Variants in KIF14 observed in about 807,000 individuals in gnomAD.
KIF14 encodes kinesin family member 14, also known as kinesin-like protein KIF14.
A neutral mutation model predicts 176.2 loss-of-function variants in KIF14; 98 were observed. That is an observed-to-expected ratio of 0.56 (90% CI 0.47 to 0.66). The LOEUF is 0.66. Among genes scored for constraint, KIF14 ranks in the 30% least tolerant of loss-of-function variants. The probability of loss-of-function intolerance (pLI) is 0.00; values close to 1 mark genes in which losing one functional copy is unlikely to be tolerated. For missense variants in KIF14, 1,751 were observed against 1,920.4 expected, an observed-to-expected ratio of 0.91 and a Z score of 1.65; for synonymous variants, 566 against 632.2, an observed-to-expected ratio of 0.90 and a Z score of 1.57.
chr1:200,556,922 C>T (rs1298181287), intron 27 of KIF14, among the ~76,000 whole-genome samples: 4 of 152,188 alleles, frequency 2.6e-5, no homozygotes, highest in Non-Finnish European at 4.4e-5. Flanking sequence ...CAGCCTCATG[C>T]CTATTTGAGC....
At chr1:200,616,216 T>C (rs1402369074) in intron 2 of KIF14, among the ~76,000 whole-genome samples, 1 of 151,968 alleles carries the variant, frequency 6.6e-6, no homozygotes, top group East Asian at 1.9e-4. Flanking sequence ...GCTCCAGATA[T>C]ACACTCCCTC....
chr1:200,617,520 G>A, intron 2 of KIF14, 92 bp downstream of exon 2: 1 of 1,228,246 alleles, frequency 8.1e-7, no homozygotes. Flanking sequence ...GTTTGAAGAT[G>A]CACGAATACA....
In KIF14 at chr1:200,586,116, C is replaced by T. The variant is rs549783432; in HGVS notation, c.3226G>A (p.Asp1076Asn). The change falls in exon 19 of 30, where the codon GAT becomes AAT. Residue 1076 changes from aspartate to asparagine, a missense_variant. Coordinates refer to ENST00000367350, the MANE Select transcript of KIF14 (RefSeq NM_014875.3). ...ACACACTTACCTGTAAAAGTTTTAT[C>T]CCTATTATTCCGATTCTGCTGTAGA... ...QILQQNRNNR[D>N]KTFTVQTTWS... 1 of 1,569,668 alleles carries T rather than the reference C, an allele frequency of 6.4e-7. No individual in the cohort carries two copies. Among genetic ancestry groups the T allele is most frequent in the South Asian group, 1.2e-5 (1 of 84,664 alleles).
At chr1:200,590,356 T>C in intron 16 of KIF14, 84 bp from the exon 17 acceptor site, 2 of 1,186,572 alleles carry the variant, frequency 1.7e-6, no homozygotes, top group Admixed American at 5.2e-5. Flanking sequence ...TGAAAAGTTT[T>C]CCATTGAATG....
chr1:200,563,398 T>A (rs1262652779), intron 25 of KIF14, among the ~76,000 whole-genome samples: 1 of 152,172 alleles, frequency 6.6e-6, no homozygotes, highest in Non-Finnish European at 1.5e-5. Flanking sequence ...ATGGTCTCAC[T>A]CTGTCATCCA....
intron 6 of KIF14, 149 bp downstream of exon 6, chr1:200,606,597 C>T (rs2102747476): frequency 4.3e-6 from 3 of 698,934 alleles, no homozygotes; most frequent in African/African-American, 1.8e-5. Context: ...CCTAATTGGA[C>T]AATATCAAGG....
In KIF14 at chr1:200,606,596, A is replaced by C. The variant is rs191579748; in HGVS notation, c.1607+150T>G. ...GGAAAGAGAGGGAAAACCTAATTGG[A>C]CAATATCAAGGGTAGAAGGCTAAAT... On this transcript the variant is annotated intron_variant, in intron 6 of 29. Coordinates refer to ENST00000367350, the MANE Select transcript of KIF14 (RefSeq NM_014875.3). 321 of 698,312 alleles carry C rather than the reference A, an allele frequency of 4.6e-4. No homozygotes were observed. In the African/African-American group the frequency reaches 5.4e-3, roughly 12 times the overall value. The allele number at this position is 698,312 out of a possible 1,614,324, so 43.3% of individuals were successfully genotyped here. A position where few individuals can be genotyped will look rare whatever the true frequency, so the allele number is the denominator to read the frequency against.
rs1465226141 is a variant in KIF14, at chr1:200,569,976, ATTC to A, written c.3593_3595del (p.Arg1198del). 1.9e-6 allele frequency: 3 copies of A among 1,603,410 alleles called. No individual in the cohort carries two copies. Among genetic ancestry groups the A allele is most frequent in the Middle Eastern group, 1.7e-4 (1 of 6,012 alleles). On this transcript the variant is annotated inframe_deletion, in exon 23 of 30. Transcript: ENST00000367350. ...TTGTATGTCATGTAAACAACCAGAA[ATTC>A]TTCTGTTCTTCATCAAACTCCTACT...
intron 3 of KIF14, among the ~76,000 whole-genome samples, chr1:200,615,113 A>G (rs1660349375): frequency 1.3e-5 from 2 of 152,288 alleles, no homozygotes; most frequent in South Asian, 4.1e-4. Context: ...TAAAATATAT[A>G]AAGTACAGTA....
intron 8 of KIF14, among the ~76,000 whole-genome samples, chr1:200,604,986 C>T (rs1323426328): frequency 6.6e-6 from 1 of 151,988 alleles, no homozygotes; most frequent in African/African-American, 2.4e-5. Context: ...GGTATACTGC[C>T]ATAAGTCATT....
Position 200,575,588 on chromosome 1 carries a change from T to C in KIF14, c.3566+3A>G, listed in dbSNP as rs376873698. 76 of 1,567,446 alleles carry C rather than the reference T, an allele frequency of 4.8e-5. No homozygotes were observed. Among genetic ancestry groups the C allele is most frequent in the Non-Finnish European group, 6.3e-5 (73 of 1,150,944 alleles). ...AGAAAACTAGTAACAAAATTGTCTT[T>C]ACCTCCTTCTAGAAAGTGAAGAAAC... On this transcript the variant is annotated splice_donor_region_variant and intron_variant, in intron 22 of 29. Transcript: ENST00000367350.
At chr1:200,605,144 G>A (rs1659808339) in intron 8 of KIF14, 139 bp downstream of exon 8, 2 of 758,096 alleles carry the variant, frequency 2.6e-6, no homozygotes, top group Non-Finnish European at 2.2e-6. Flanking sequence ...TATCTTGCCT[G>A]TGGAAAAAAA....
chr1:200,597,945 G>A (rs1411194051), intron 14 of KIF14, among the ~76,000 whole-genome samples: 1 of 151,860 alleles, frequency 6.6e-6, no homozygotes, highest in Non-Finnish European at 1.5e-5. Context: ...AAGATAGATA[G>A]TTTACTTGCA....
intron 19 of KIF14, among the ~76,000 whole-genome samples, chr1:200,585,073 G>C (rs1658661780): frequency 6.6e-6 from 1 of 152,110 alleles, no homozygotes; most frequent in Non-Finnish European, 1.5e-5. Flanking sequence ...ATGGTTACCA[G>C]GAAATACAGG....
At chr1:200,554,387 T>C in intron 29 of KIF14, 81 bp downstream of exon 29, 1 of 962,404 alleles carries the variant, frequency 1.0e-6, no homozygotes, top group South Asian at 1.6e-5. Context: ...CGAGACTCCA[T>C]CTCAAAAAAA....
At chr1:200,605,476 G>T in intron 7 of KIF14, 86 bp from the exon 8 acceptor site, 6 of 864,744 alleles carry the variant, frequency 6.9e-6, no homozygotes, top group Non-Finnish European at 1.1e-5. Flanking sequence ...ATACACATTT[G>T]TAATTCAGAT....
intron 26 of KIF14, among the ~76,000 whole-genome samples, chr1:200,560,178 C>T (rs931872163): frequency 7.9e-5 from 12 of 152,326 alleles, no homozygotes; most frequent in African/African-American, 2.9e-4. Context: ...GAAAACCCTC[C>T]ACGGTGGATG....
chr1:200,603,967 T>G lies in KIF14; in HGVS notation c.1747-12A>C, dbSNP rs1221613999. Reference sequence around the variant, plus strand: ...TCCACAAATTCTGTCTACAGCAAAATGATATTAAATTAAATTAAGTTCTAT... The same window carrying G: ...TCCACAAATTCTGTCTACAGCAAAAGGATATTAAATTAAATTAAGTTCTAT... On this transcript the variant is annotated splice_polypyrimidine_tract_variant and intron_variant, in intron 8 of 29. Transcript: ENST00000367350. The G allele has an allele frequency of 6.7e-7, 1 of 1,495,646 alleles. No homozygotes were observed. The highest frequency in any genetic ancestry group is 9.3e-7 in the Non-Finnish European group (1 of 1,072,188). 92.6% of individuals were successfully genotyped at this position (1,495,646 alleles called of 1,614,324 possible).
intron 8 of KIF14, among the ~76,000 whole-genome samples, chr1:200,605,028 G>A (rs920453942): frequency 1.3e-5 from 2 of 151,972 alleles, no homozygotes; most frequent in African/African-American, 2.4e-5. Flanking sequence ...TGAAACTAAG[G>A]CATATTTCCT....
Sources: allele counts gnomAD v4.1 joint callset (sites outside exome capture counted in the v4.1 genomes callset), GRCh38; gene constraint gnomAD v4.1.1; transcripts MANE v1.5; gene names NCBI Gene and HGNC (gene_info 2026-07-23, HGNC 2026-07-21).